CAMTA1: variants seen among roughly 807,000 people sequenced by gnomAD.
CAMTA1 encodes calmodulin-binding transcription activator 1.
A neutral mutation model predicts 170.9 loss-of-function variants in CAMTA1; 27 were observed. The observed-to-expected ratio is 0.16, with a 90% CI of 0.12 to 0.22. The LOEUF (loss-of-function observed/expected upper bound fraction) is 0.22. Among genes scored for constraint, CAMTA1 ranks in the 10% least tolerant of loss-of-function variants. The probability of loss-of-function intolerance (pLI) is 1.00; values close to 1 mark genes in which losing one functional copy is unlikely to be tolerated. For missense variants in CAMTA1, 1,619 were observed against 2,217.2 expected, an observed-to-expected ratio of 0.73 and a Z score of 5.42; for synonymous variants, 833 against 891.5, an observed-to-expected ratio of 0.93 and a Z score of 1.17.
intron 4 of CAMTA1, among the ~76,000 whole-genome samples, chr1:7,125,614 G>A (rs1644885215): frequency 6.6e-6 from 1 of 152,206 alleles, no homozygotes; most frequent in Non-Finnish European, 1.5e-5. Context: ...GAAGGTGGAG[G>A]AGGGACAAGG....
chr1:7,095,740 A>G (rs1642005346), intron 4 of CAMTA1, among the ~76,000 whole-genome samples: 2 of 152,232 alleles, frequency 1.3e-5, no homozygotes, highest in Admixed American at 1.3e-4. Context: ...GGTGTTCTAC[A>G]CTGCCCTCTG....
intron 5 of CAMTA1, among the ~76,000 whole-genome samples, chr1:7,409,729 G>T (rs2090572819): frequency 6.6e-6 from 1 of 152,220 alleles, no homozygotes. Flanking sequence ...AAGAGACTAG[G>T]ACCCCCTCAT....
intron 3 of CAMTA1, among the ~76,000 whole-genome samples, chr1:6,937,261 A>G (rs1685491229): frequency 1.3e-5 from 2 of 148,252 alleles, no homozygotes; most frequent in East Asian, 2.0e-4. Flanking sequence ...CATCATCATC[A>G]CCACTACCAT....
At chr1:7,528,135 T>G (rs1489805335) in intron 6 of CAMTA1, among the ~76,000 whole-genome samples, 1 of 152,172 alleles carries the variant, frequency 6.6e-6, no homozygotes, top group South Asian at 2.1e-4. Context: ...AGAAAAAGCT[T>G]GCTCTCTTTA....
At chr1:7,112,394 T>C (rs189520786) in intron 4 of CAMTA1, among the ~76,000 whole-genome samples, 10 of 152,362 alleles carry the variant, frequency 6.6e-5, no homozygotes, top group Admixed American at 3.9e-4. Flanking sequence ...CATTCCACCA[T>C]GTTTTTCTTC....
chr1:6,967,516 C>G (rs1488334657), intron 3 of CAMTA1, among the ~76,000 whole-genome samples: 1 of 152,120 alleles, frequency 6.6e-6, no homozygotes, highest in Non-Finnish European at 1.5e-5. Flanking sequence ...AGAGAGCATT[C>G]TCTATCTCAG....
At chr1:7,526,201 G>A (rs1176635322) in intron 6 of CAMTA1, among the ~76,000 whole-genome samples, 1 of 152,018 alleles carries the variant, frequency 6.6e-6, no homozygotes, top group Non-Finnish European at 1.5e-5. Flanking sequence ...ACGGGGAAGA[G>A]GTTTCCAGGG....
At chr1:7,750,380 T>A (rs1285203128) in intron 19 of CAMTA1, among the ~76,000 whole-genome samples, 1 of 152,260 alleles carries the variant, frequency 6.6e-6, no homozygotes, top group African/African-American at 2.4e-5. Flanking sequence ...TGCCGTCTTA[T>A]AAGCAAAGGG....
chr1:7,739,960 C>CCA (rs1385481284), intron 16 of CAMTA1, among the ~76,000 whole-genome samples: 2 of 151,856 alleles, frequency 1.3e-5, no homozygotes, highest in Admixed American at 1.3e-4. Flanking sequence ...AGTTTCCCTA[C>CCA]CACAACACAT....
At chr1:7,486,382 C>A (rs2093617684) in intron 6 of CAMTA1, among the ~76,000 whole-genome samples, 1 of 152,224 alleles carries the variant, frequency 6.6e-6, no homozygotes, top group Admixed American at 6.5e-5. Context: ...CCAGTACAGG[C>A]CAGCTCCAAC....
chr1:6,842,025 T>C (rs982794050), intron 3 of CAMTA1, among the ~76,000 whole-genome samples: 15 of 152,214 alleles, frequency 9.9e-5, no homozygotes, highest in African/African-American at 3.6e-4. Context: ...TTGCCCAGAC[T>C]CAGCGCCATG....
chr1:6,969,889 A>T (rs1692234285), intron 3 of CAMTA1, among the ~76,000 whole-genome samples: 1 of 152,224 alleles, frequency 6.6e-6, no homozygotes, highest in African/African-American at 2.4e-5. Flanking sequence ...CAATGGCTTC[A>T]TCTTACCTGA....
Position 6,887,524 on chromosome 1 carries a change from T to C in CAMTA1, c.234+62314T>C, listed in dbSNP as rs1673563204. 7.3e-7 allele frequency: 1 copy of C among 1,369,638 alleles called. No homozygotes were observed. Among genetic ancestry groups the C allele is most frequent in the Non-Finnish European group, 9.7e-7 (1 of 1,028,396 alleles). 84.8% of individuals were successfully genotyped at this position (1,369,638 alleles called of 1,614,324 possible). A position where few individuals can be genotyped will look rare whatever the true frequency, so the allele number is the denominator to read the frequency against. ...TGTATACGTATGTGTGTGTTTAATATATACTTTAGTTTGCCTTTACCCAGA... is the reference window on the plus strand; with the variant it reads ...TGTATACGTATGTGTGTGTTTAATACATACTTTAGTTTGCCTTTACCCAGA... On this transcript the variant is annotated intron_variant, in intron 3 of 22. Coordinates refer to ENST00000303635, the MANE Select transcript of CAMTA1 (RefSeq NM_015215.4). The surrounding 1 kb of genome is among the most constrained non-coding windows in gnomAD (Gnocchi z 4.1).
At chr1:7,000,787 TG>T (rs147637837) in intron 3 of CAMTA1, among the ~76,000 whole-genome samples, 6,841 of 152,316 alleles carry the variant, frequency 0.045, 180 homozygotes, top group Middle Eastern at 0.14. Context: ...TGACTTCTAA[TG>T]GGCACCTTAT....
At chr1:7,185,645 A>G (rs1389643647) in intron 4 of CAMTA1, among the ~76,000 whole-genome samples, 2 of 152,232 alleles carry the variant, frequency 1.3e-5, no homozygotes, top group East Asian at 3.8e-4. Context: ...GAATCAAGTG[A>G]TCAAAAGTAA....
In CAMTA1 at chr1:7,686,468, G is replaced by A. The variant is rs555718362; in HGVS notation, c.2914+8735G>A. On this transcript the variant is annotated intron_variant, in intron 11 of 22. Transcript: ENST00000303635. ...CCCCCAGGGAGAGGGCAAGCCTGGC[G>A]CGTTGGGGGAGCTGCGGTCAGAATA... Among the ~76,000 whole-genome samples the A allele has an allele frequency of 6.9e-4, 105 of 151,946 alleles. 3 individuals carry two copies. The highest frequency in any genetic ancestry group is 5.2e-3 in the South Asian group (25 of 4,794).
intron 4 of CAMTA1, among the ~76,000 whole-genome samples, chr1:7,237,366 A>G (rs1481229838): frequency 6.6e-6 from 1 of 152,176 alleles, no homozygotes; most frequent in Non-Finnish European, 1.5e-5. Context: ...CCGCAAGTCC[A>G]CGGCTCACTG....
chr1:6,793,113 A>G (rs1557555249), intron 1 of CAMTA1, among the ~76,000 whole-genome samples: 1 of 152,048 alleles, frequency 6.6e-6, no homozygotes, highest in Non-Finnish European at 1.5e-5. Flanking sequence ...AAATCCCAAA[A>G]CAATAGTCAT....
At chr1:7,551,201 A>G (rs1422512509) in intron 6 of CAMTA1, among the ~76,000 whole-genome samples, 4 of 152,254 alleles carry the variant, frequency 2.6e-5, no homozygotes, top group Non-Finnish European at 5.9e-5. Context: ...AGAGGGGAGA[A>G]GCAAGGAAGG....
Sources: gnomAD v4.1 joint callset for allele counts (sites outside exome capture counted in the v4.1 genomes callset) on GRCh38, gnomAD v4.1.1 for gene constraint, Gnocchi (gnomAD v3.1) non-coding constraint, MANE v1.5 for transcripts, NCBI Gene and HGNC (gene_info 2026-07-23, HGNC 2026-07-21) for gene names.